The following AKAP13 variants were observed in gnomAD, a reference collection of about 807,000 sequenced individuals.
The protein encoded by AKAP13 is A-kinase anchor protein 13.
AKAP13 carries 80 observed loss-of-function variants against 264.5 expected under a neutral mutation model. That is an observed-to-expected ratio of 0.30 (90% CI 0.25 to 0.36). The LOEUF (loss-of-function observed/expected upper bound fraction) is 0.36. Ranked by LOEUF, AKAP13 falls within the 10% of genes least tolerant of loss-of-function variation. The pLI, the probability that AKAP13 is intolerant of heterozygous loss-of-function variation, is 1.00. For synonymous variants in AKAP13, 1,380 were observed against 1,250.2 expected, an observed-to-expected ratio of 1.10 and a Z score of -2.19; for missense variants, 3,712 against 3,435.2, an observed-to-expected ratio of 1.08 and a Z score of -2.01.
intron 30 of AKAP13, among the ~76,000 whole-genome samples, chr15:85,733,366 C>T (rs1406880852): frequency 1.3e-5 from 2 of 152,110 alleles, no homozygotes; most frequent in Non-Finnish European, 2.9e-5. Flanking sequence ...ATGTAAGTAA[C>T]ATGCTCTTTG....
intron 17 of AKAP13, among the ~76,000 whole-genome samples, chr15:85,703,985 C>T (rs1186921368): frequency 1.3e-5 from 2 of 151,736 alleles, no homozygotes; most frequent in Non-Finnish European, 2.9e-5. Flanking sequence ...TCTAAATTTG[C>T]TCATATTTAA....
intron 8 of AKAP13, among the ~76,000 whole-genome samples, chr15:85,620,864 T>A (rs1425074219): frequency 1.3e-5 from 2 of 152,184 alleles, no homozygotes; most frequent in African/African-American, 4.8e-5. Flanking sequence ...ACAGAAGGCA[T>A]CCTTGAATCT....
At chr15:85,619,400 T>C in intron 8 of AKAP13, 1 of 985,178 alleles carries the variant, frequency 1.0e-6, no homozygotes, top group Non-Finnish European at 1.2e-6. Flanking sequence ...TTTTTTTCCC[T>C]TTTACTCTGC....
intron 8 of AKAP13, among the ~76,000 whole-genome samples, chr15:85,615,583 A>G (rs1163110257): frequency 6.6e-6 from 1 of 152,246 alleles, no homozygotes; most frequent in Non-Finnish European, 1.5e-5. Flanking sequence ...TACCACCAAC[A>G]TATGTGTAAC....
chr15:85,697,018 A>G (rs2085600649), intron 17 of AKAP13, among the ~76,000 whole-genome samples: 2 of 152,184 alleles, frequency 1.3e-5, no homozygotes, highest in Non-Finnish European at 2.9e-5. Flanking sequence ...TATGTGCTAG[A>G]ACTTCAGGCT....
chr15:85,381,520 G>GGTTTTTTTTTTTT (rs1567029535), intron 1 of AKAP13, among the ~76,000 whole-genome samples: 1 of 44,768 alleles, frequency 2.2e-5, no homozygotes, highest in Non-Finnish European at 5.2e-5. Flanking sequence ...ACGGTTTACT[G>GGTTTTTTTTTTTT]CTTTTTTTTT....
rs200941114 is a variant in AKAP13, at chr15:85,655,514, T to C, written c.4472T>C (p.Val1491Ala). The part of the protein sequence containing the change: ...LDRHSSHGSD[V>A]SLSQILKPNR... ...CGACATTCTTCTCATGGCAGTGATGTGTCTCTCTCCCAGATTTTAAAGCCA... is the reference window on the plus strand; with the variant it reads ...CGACATTCTTCTCATGGCAGTGATGCGTCTCTCTCCCAGATTTTAAAGCCA... The change falls in exon 11 of 37, where the codon GTG (valine) becomes GCG (alanine). Residue 1491 changes from valine to alanine, a missense_variant. By Grantham distance (64) the Val-to-Ala change is moderately conservative (BLOSUM62 0). Around this residue, in one of 3 missense-constraint regions of AKAP13, gnomAD observed 2,759 missense variants for 2,411.7 expected, o/e 1.14. Coordinates refer to ENST00000394518, the MANE Select transcript of AKAP13 (RefSeq NM_007200.5). The C allele has an allele frequency of 6.2e-7, 1 of 1,614,226 alleles. No individual in the cohort carries two copies. Among genetic ancestry groups the C allele is most frequent in the Non-Finnish European group, 8.5e-7 (1 of 1,180,038 alleles).
At chr15:85,556,172 G>A (rs1567122662) in intron 5 of AKAP13, among the ~76,000 whole-genome samples, 1 of 152,124 alleles carries the variant, frequency 6.6e-6, no homozygotes, top group Non-Finnish European at 1.5e-5. Flanking sequence ...CATGCAACAT[G>A]GAAATACACT....
chr15:85,730,997 C>CTTTTTTTTTTT (rs71468134), intron 30 of AKAP13, among the ~76,000 whole-genome samples: 4 of 57,380 alleles, frequency 7.0e-5, no homozygotes, highest in African/African-American at 1.5e-4. Context: ...GTCACTTATG[C>CTTTTTTTTTTT]TTTTTTTTTT....
intron 2 of AKAP13, chr15:85,520,589 A>G (rs1298363421): frequency 9.8e-6 from 5 of 509,390 alleles, no homozygotes; most frequent in Non-Finnish European, 1.6e-5. Flanking sequence ...TTATTGGCTC[A>G]AGATTTTTGT....
chr15:85,700,909 T>C (rs2085873509), intron 17 of AKAP13, among the ~76,000 whole-genome samples: 1 of 152,158 alleles, frequency 6.6e-6, no homozygotes, highest in South Asian at 2.1e-4. Context: ...ATAAAGAAAT[T>C]AGAGGTTGTG....
At chr15:85,655,858 T>C in intron 11 of AKAP13, 71 bp downstream of exon 11, 3 of 1,513,670 alleles carry the variant, frequency 2.0e-6, no homozygotes, top group Non-Finnish European at 2.6e-6. Flanking sequence ...ATTTGTATTA[T>C]TGTTGGTAAA....
chr15:85,668,753 C>T (rs892425282), intron 13 of AKAP13, among the ~76,000 whole-genome samples: 1 of 152,090 alleles, frequency 6.6e-6, no homozygotes, highest in South Asian at 2.1e-4. Context: ...ACCAGCCTGG[C>T]CAACATGGTG....
At chr15:85,574,134 G>A (rs545457983) in intron 5 of AKAP13, among the ~76,000 whole-genome samples, 1 of 152,314 alleles carries the variant, frequency 6.6e-6, no homozygotes, top group African/African-American at 2.4e-5. Flanking sequence ...TGACACCAAC[G>A]GTTAGGACTT....
At chr15:85,637,101 T>C (rs2082100732) in intron 8 of AKAP13, among the ~76,000 whole-genome samples, 2 of 152,256 alleles carry the variant, frequency 1.3e-5, no homozygotes, top group South Asian at 4.1e-4. Context: ...TCCTGAGGAA[T>C]ATTGATCTAT....
chr15:85,615,980 GA>G (rs2080918272), intron 8 of AKAP13, among the ~76,000 whole-genome samples: 1 of 152,272 alleles, frequency 6.6e-6, no homozygotes, highest in South Asian at 2.1e-4. Flanking sequence ...AAGAACCCTT[GA>G]TTTTCACTTA....
chr15:85,687,727 A>G (rs11073492), intron 16 of AKAP13, among the ~76,000 whole-genome samples: 12,921 of 151,190 alleles, frequency 0.085, 732 homozygotes, highest in East Asian at 0.2. Flanking sequence ...GCTTTTGTCA[A>G]TGTAGCAAAA....
intron 13 of AKAP13, among the ~76,000 whole-genome samples, chr15:85,665,144 A>G (rs555996969): frequency 2.0e-5 from 3 of 152,302 alleles, no homozygotes; most frequent in East Asian, 1.9e-4. Flanking sequence ...TTAAGGCTGC[A>G]TTGAGTTGTG....
At chr15:85,658,888 C>G (rs1459082371) in intron 12 of AKAP13, among the ~76,000 whole-genome samples, 1 of 152,052 alleles carries the variant, frequency 6.6e-6, no homozygotes, top group Non-Finnish European at 1.5e-5. Context: ...CTAGCTTTCT[C>G]TAGGAGAGTT....
Sources: allele counts gnomAD v4.1 joint callset (sites outside exome capture counted in the v4.1 genomes callset), GRCh38; gene constraint gnomAD v4.1.1; regional missense constraint gnomAD v4.1.1; transcripts MANE v1.5; gene names NCBI Gene and HGNC (gene_info 2026-07-23, HGNC 2026-07-21).